The following RSPO3 variants were observed in gnomAD, a reference collection of about 807,000 sequenced individuals.
The protein encoded by RSPO3 is R-spondin 3.
A neutral mutation model predicts 36.5 loss-of-function variants in RSPO3; 17 were observed. The ratio of observed to expected loss-of-function variants is 0.47; its 90% CI spans 0.32 to 0.70. The LOEUF is 0.70. Among genes scored for constraint, RSPO3 ranks in the 30% least tolerant of loss-of-function variants. The pLI is 0.04. For missense variants in RSPO3, 294 were observed against 322.5 expected, an observed-to-expected ratio of 0.91 and a Z score of 0.68; for synonymous variants, 108 against 107.0, an observed-to-expected ratio of 1.01 and a Z score of -0.06.
At chr6:127,188,269 G>A (rs1775335901) in intron 4 of RSPO3, among the ~76,000 whole-genome samples, 1 of 152,116 alleles carries the variant, frequency 6.6e-6, no homozygotes, top group Non-Finnish European at 1.5e-5. Context: ...CCATTTGTAA[G>A]GAAGGTATTT....
intron 3 of RSPO3, among the ~76,000 whole-genome samples, 164 bp downstream of exon 3, chr6:127,150,736 T>A (rs1324329655): frequency 1.3e-5 from 2 of 150,224 alleles, no homozygotes; most frequent in Non-Finnish European, 3.0e-5. Context: ...GTGTTTTTCA[T>A]AACCTTATCT....
chr6:127,142,794 TTTTG>T (rs534279203), intron 1 of RSPO3, among the ~76,000 whole-genome samples: 321 of 152,160 alleles, frequency 2.1e-3, no homozygotes, highest in East Asian at 7.0e-3. Flanking sequence ...TGGTTGTTTT[TTTTG>T]TTTGTTTGTT....
At chr6:127,168,531 A>C (rs2114613066) in intron 4 of RSPO3, among the ~76,000 whole-genome samples, 1 of 152,092 alleles carries the variant, frequency 6.6e-6, no homozygotes, top group East Asian at 1.9e-4. Context: ...GATTGCAAAA[A>C]TTTTCTCCCA....
chr6:127,176,972 C>T (rs1206830390), intron 4 of RSPO3, among the ~76,000 whole-genome samples: 1 of 151,696 alleles, frequency 6.6e-6, no homozygotes, highest in African/African-American at 2.4e-5. Context: ...GTGTTTTAAA[C>T]CAAGAATAAT....
chr6:127,176,433 C>A (rs564239436), intron 4 of RSPO3, among the ~76,000 whole-genome samples: 3 of 151,744 alleles, frequency 2.0e-5, no homozygotes, highest in Admixed American at 2.0e-4. Context: ...TTGTTATTTC[C>A]TTTTTATTTA....
Position 127,124,909 on chromosome 6 carries a change from G to A in RSPO3, c.97+5620G>A, listed in dbSNP as rs1019914351. 5.9e-5 allele frequency among the ~76,000 whole-genome samples: 9 copies of A among 152,134 alleles called. No individual in the cohort carries two copies. In the South Asian group the frequency reaches 6.2e-4, roughly 11 times the overall value. ...TGCTGAGAATGCTAAATATCTAAAT[G>A]TCATTGATTGCTAAGAATCCCATTT... is the stretch of plus-strand genomic sequence containing the variant. On this transcript the variant is annotated intron_variant, in intron 1 of 4. Transcript: ENST00000356698.
intron 4 of RSPO3, 98 bp downstream of exon 4, chr6:127,155,536 C>A: frequency 9.2e-7 from 1 of 1,083,502 alleles, no homozygotes; most frequent in East Asian, 2.6e-5. Context: ...ATCTTTCATG[C>A]CTAATATCCT....
At chr6:127,171,692 T>C (rs887773736) in intron 4 of RSPO3, among the ~76,000 whole-genome samples, 1 of 151,754 alleles carries the variant, frequency 6.6e-6, no homozygotes, top group African/African-American at 2.4e-5. Context: ...AATGTTTTTT[T>C]CAGGATTTCT....
chr6:127,124,326 G>A (rs1267141791), intron 1 of RSPO3, among the ~76,000 whole-genome samples: 3 of 151,928 alleles, frequency 2.0e-5, no homozygotes, highest in Admixed American at 1.3e-4. Context: ...TCCAAGTAGT[G>A]AATTCTTGAA....
At chr6:127,193,790 TG>T (rs1775460765) in intron 4 of RSPO3, among the ~76,000 whole-genome samples, 1 of 152,188 alleles carries the variant, frequency 6.6e-6, no homozygotes, top group African/African-American at 2.4e-5. Context: ...AAATCCAGCA[TG>T]GAAAGAAGGC....
chr6:127,150,163 GGA>G (rs56071319), intron 2 of RSPO3, among the ~76,000 whole-genome samples: 60,326 of 142,956 alleles, frequency 0.42, 12,112 homozygotes, highest in East Asian at 0.52. Context: ...AAATATTCTT[GGA>G]GATATATATA....
At chr6:127,140,635 T>C (rs1221400982) in intron 1 of RSPO3, among the ~76,000 whole-genome samples, 2 of 152,232 alleles carry the variant, frequency 1.3e-5, no homozygotes, top group Non-Finnish European at 2.9e-5. Context: ...AAAGTAACTA[T>C]ATCAGACAAA....
rs1250701099 is a variant in RSPO3, at chr6:127,118,958, G to C, written c.-235G>C. Reference sequence around the variant, plus strand: ...GTTCGCGGCGATGCCAGCCACCCCAGCGAAGCCGCCGCAGTTCAGTGCTTG... The same window carrying C: ...GTTCGCGGCGATGCCAGCCACCCCACCGAAGCCGCCGCAGTTCAGTGCTTG... On this transcript the variant is annotated 5_prime_UTR_variant, in exon 1 of 5. Coordinates refer to ENST00000356698, the MANE Select transcript of RSPO3 (RefSeq NM_032784.5). 1 of 328,092 alleles carries C rather than the reference G, an allele frequency of 3.0e-6. No homozygotes were observed. Among genetic ancestry groups the C allele is most frequent in the African/African-American group, 2.1e-5 (1 of 46,806 alleles). 20.3% of individuals were successfully genotyped at this position (328,092 alleles called of 1,614,324 possible).
At chr6:127,167,111 ATTAGT>A (rs1467245667) in intron 4 of RSPO3, among the ~76,000 whole-genome samples, 1 of 151,878 alleles carries the variant, frequency 6.6e-6, no homozygotes, top group Non-Finnish European at 1.5e-5. Context: ...ATATACTTGA[ATTAGT>A]TTATTTTTTT....
chr6:127,169,566 A>G (rs1774896005), intron 4 of RSPO3, among the ~76,000 whole-genome samples: 1 of 151,860 alleles, frequency 6.6e-6, no homozygotes, highest in Admixed American at 6.6e-5. Flanking sequence ...AATAAGTCAA[A>G]AAGTACCTTG....
At chr6:127,157,734 C>T (rs1040375008) in intron 4 of RSPO3, among the ~76,000 whole-genome samples, 9 of 151,808 alleles carry the variant, frequency 5.9e-5, no homozygotes, top group African/African-American at 1.9e-4. Context: ...TTTAGTCCTA[C>T]TTTTATTTTT....
intron 4 of RSPO3, among the ~76,000 whole-genome samples, chr6:127,190,127 T>C (rs1387444558): frequency 6.6e-6 from 1 of 152,130 alleles, no homozygotes; most frequent in African/African-American, 2.4e-5. Flanking sequence ...AGTGATATTT[T>C]AATTTAAAAT....
intron 1 of RSPO3, among the ~76,000 whole-genome samples, chr6:127,129,190 A>T (rs747077253): frequency 6.6e-6 from 1 of 152,050 alleles, no homozygotes; most frequent in Non-Finnish European, 1.5e-5. Context: ...TTTTAACTCT[A>T]CCTTAATGGG....
chr6:127,196,216 CTT>C lies in RSPO3; in HGVS notation c.*210_*211del, dbSNP rs1775512783. 5.7e-6 allele frequency: 2 copies of C among 348,552 alleles called. No individual in the cohort carries two copies. The highest frequency in any genetic ancestry group is 1.0e-5 in the Non-Finnish European group (2 of 194,436). 21.6% of individuals were successfully genotyped at this position (348,552 alleles called of 1,614,324 possible). A position where few individuals can be genotyped will look rare whatever the true frequency, so the allele number is the denominator to read the frequency against. On this transcript the variant is annotated 3_prime_UTR_variant, in exon 5 of 5. Transcript: ENST00000356698. ...AGAAGGGATACTTTCAGATGGTTGT[CTT>C]GTGTGCTTCTCTGCATTTTTAAAAG...
Sources: allele counts gnomAD v4.1 joint callset (sites outside exome capture counted in the v4.1 genomes callset), GRCh38; gene constraint gnomAD v4.1.1; transcripts MANE v1.5; gene names NCBI Gene and HGNC (gene_info 2026-07-23, HGNC 2026-07-21).